DDX60L: variants seen among roughly 807,000 people sequenced by gnomAD.
The protein encoded by DDX60L is probable ATP-dependent RNA helicase DDX60-like.
A neutral mutation model predicts 211.6 loss-of-function variants in DDX60L; 191 were observed. The ratio of observed to expected loss-of-function variants is 0.90; its 90% CI spans 0.80 to 1.02. The LOEUF (loss-of-function observed/expected upper bound fraction) is 1.02, where lower values mean the gene tolerates loss of function less well. Ranked by LOEUF, DDX60L falls within the 50% of genes least tolerant of loss-of-function variation. The pLI, the probability that DDX60L is intolerant of heterozygous loss-of-function variation, is 0.00. For missense variants in DDX60L, 2,007 were observed against 1,984.1 expected (o/e 1.01, Z -0.22); for synonymous variants, 706 against 694.1 (o/e 1.02, Z -0.27).
intron 12 of DDX60L, among the ~76,000 whole-genome samples, chr4:168,431,986 G>A (rs939756122): frequency 1.3e-5 from 2 of 151,984 alleles, no homozygotes; most frequent in African/African-American, 4.8e-5. Context: ...GGAAGACTAT[G>A]GCTGTATCAG....
intron 29 of DDX60L, among the ~76,000 whole-genome samples, chr4:168,388,551 T>C (rs1244430357): frequency 6.6e-6 from 1 of 152,246 alleles, no homozygotes; most frequent in Non-Finnish European, 1.5e-5. Context: ...GTCCTCATAA[T>C]AACTTTCTAA....
At chr4:168,385,545 G>A (rs1382829245) in intron 29 of DDX60L, among the ~76,000 whole-genome samples, 1 of 152,160 alleles carries the variant, frequency 6.6e-6, no homozygotes, top group Non-Finnish European at 1.5e-5. Flanking sequence ...TTGGTCATAA[G>A]TTCCAGAGGA....
chr4:168,365,750 G>T (rs1739869338), intron 36 of DDX60L, among the ~76,000 whole-genome samples: 1 of 152,018 alleles, frequency 6.6e-6, no homozygotes, highest in Non-Finnish European at 1.5e-5. Flanking sequence ...CAATATCTCT[G>T]ATAAACACAA....
chr4:168,434,695 GCTAGCTGGT>G (rs1239935822), intron 10 of DDX60L, among the ~76,000 whole-genome samples: 2 of 152,130 alleles, frequency 1.3e-5, no homozygotes, highest in African/African-American at 2.4e-5. Context: ...TACAGCATTG[GCTAGCTGGT>G]CATAGTGTTC....
chr4:168,400,622 C>T (rs1436237100), intron 26 of DDX60L, among the ~76,000 whole-genome samples: 1 of 152,100 alleles, frequency 6.6e-6, no homozygotes, highest in Non-Finnish European at 1.5e-5. Context: ...TCCCACCTCC[C>T]CGATTCCTAA....
intron 29 of DDX60L, among the ~76,000 whole-genome samples, chr4:168,390,992 GA>G (rs1387348513): frequency 1.3e-5 from 2 of 151,178 alleles, no homozygotes; most frequent in Admixed American, 1.3e-4. Flanking sequence ...ATACTCCCAA[GA>G]AGGTGAATGG....
intron 6 of DDX60L, among the ~76,000 whole-genome samples, chr4:168,456,883 A>T (rs183468821): frequency 1.0e-3 from 156 of 152,282 alleles, no homozygotes; most frequent in African/African-American, 3.7e-3. Flanking sequence ...ATGACAAGAA[A>T]ATATGCAATA....
chr4:168,448,874 T>C, intron 8 of DDX60L, 95 bp from the exon 9 acceptor site: 1 of 1,121,060 alleles, frequency 8.9e-7, no homozygotes, highest in Non-Finnish European at 1.3e-6. Context: ...AAGGGACATT[T>C]CTGGGTGGAA....
chr4:168,430,735 T>A (rs551151815), intron 12 of DDX60L, 97 bp from the exon 13 acceptor site: 1 of 947,656 alleles, frequency 1.1e-6, no homozygotes, highest in Non-Finnish European at 1.5e-6. Context: ...AGAATAATAA[T>A]TCAGTATTTG....
chr4:168,467,997 T>C (rs772261350), intron 4 of DDX60L, among the ~76,000 whole-genome samples: 1 of 152,050 alleles, frequency 6.6e-6, no homozygotes, highest in Non-Finnish European at 1.5e-5. Context: ...GGAAACCCCA[T>C]CTTTGCTAAA....
At chr4:168,424,212 T>C (rs1243935900) in intron 14 of DDX60L, among the ~76,000 whole-genome samples, 3 of 152,352 alleles carry the variant, frequency 2.0e-5, no homozygotes, top group South Asian at 4.1e-4. Context: ...CAAGGCCTAC[T>C]CTTGACCACA....
chr4:168,464,251 T>C (rs1245394510), intron 4 of DDX60L, among the ~76,000 whole-genome samples: 5 of 152,250 alleles, frequency 3.3e-5, no homozygotes, highest in Admixed American at 3.3e-4. Context: ...TTCACCAAAA[T>C]AGGCCATGTA....
At chr4:168,414,656 C>T (rs1370075700) in intron 22 of DDX60L, among the ~76,000 whole-genome samples, 1 of 151,944 alleles carries the variant, frequency 6.6e-6, no homozygotes, top group African/African-American at 2.4e-5. Context: ...CACTTAAAAA[C>T]AGTGGAATAC....
chr4:168,422,036 C>T (rs779930621), intron 16 of DDX60L, 127 bp from the exon 17 acceptor site: 82 of 1,168,582 alleles, frequency 7.0e-5, no homozygotes, highest in Non-Finnish European at 6.5e-5. Flanking sequence ...ACTCCCTGAA[C>T]CCCTGAAGAT....
Position 168,448,618 on chromosome 4 carries a change from A to C in DDX60L, c.1138+20T>G, listed in dbSNP as rs1477067316. ...TATAATTTGTTCATGATATAATGTTAATGCATATTCAGGTACTACCTTGAG... is the reference window on the plus strand; with the variant it reads ...TATAATTTGTTCATGATATAATGTTCATGCATATTCAGGTACTACCTTGAG... On this transcript the variant is annotated intron_variant, in intron 9 of 37. Coordinates refer to ENST00000682922, the MANE Select transcript of DDX60L (RefSeq NM_001012967.3). 8.8e-6 allele frequency: 13 copies of C among 1,482,466 alleles called. No individual in the cohort carries two copies. The highest frequency in any genetic ancestry group is 1.2e-5 in the Non-Finnish European group (13 of 1,088,770). 91.8% of individuals were successfully genotyped at this position (1,482,466 alleles called of 1,614,324 possible).
At chr4:168,448,597 A>T (rs767732718) in intron 9 of DDX60L, 41 bp downstream of exon 9, 7 of 1,424,242 alleles carry the variant, frequency 4.9e-6, no homozygotes, top group Non-Finnish European at 6.7e-6. Flanking sequence ...GTTTTATATA[A>T]TTTGTTCATG....
intron 31 of DDX60L, 106 bp downstream of exon 31, chr4:168,379,620 A>C: frequency 8.6e-7 from 1 of 1,168,986 alleles, no homozygotes; most frequent in Non-Finnish European, 1.2e-6. Flanking sequence ...AATGATAAGT[A>C]ACATTATCAT....
chr4:168,474,675 C>T (rs1390932760), intron 1 of DDX60L, among the ~76,000 whole-genome samples: 1 of 151,906 alleles, frequency 6.6e-6, no homozygotes, highest in East Asian at 1.9e-4. Flanking sequence ...AAAACAGAAT[C>T]CCAAGTTAAA....
chr4:168,372,068 A>G (rs1345143726), intron 35 of DDX60L, among the ~76,000 whole-genome samples: 1 of 152,208 alleles, frequency 6.6e-6, no homozygotes, highest in Non-Finnish European at 1.5e-5. Context: ...TCCAACTACA[A>G]TACTGTTAGC....
Sources: gnomAD v4.1 joint callset for allele counts (sites outside exome capture counted in the v4.1 genomes callset) on GRCh38, gnomAD v4.1.1 for gene constraint, MANE v1.5 for transcripts, NCBI Gene and HGNC (gene_info 2026-07-23, HGNC 2026-07-21) for gene names.